The following GRM5 variants were observed in gnomAD, a reference collection of about 807,000 sequenced individuals.
GRM5 encodes metabotropic glutamate receptor 5.
In GRM5, 19 loss-of-function variants were observed where a neutral mutation model predicts 83.1. The ratio of observed to expected loss-of-function variants is 0.23; its 90% CI spans 0.16 to 0.34. GRM5 has a LOEUF of 0.34. GRM5 is among the 10% of genes least tolerant of loss of function. The pLI, the probability that GRM5 is intolerant of heterozygous loss-of-function variation, is 1.00. For synonymous variants in GRM5, 675 were observed against 633.6 expected (o/e 1.07, Z -0.98); for missense variants, 1,160 against 1,588.3 (o/e 0.73, Z 4.58).
chr11:88,552,470 C>G (rs1014498345), intron 8 of GRM5, among the ~76,000 whole-genome samples: 2 of 152,196 alleles, frequency 1.3e-5, no homozygotes, highest in African/African-American at 4.8e-5. Flanking sequence ...ACTGCTTCTG[C>G]AAAAGTTTGT....
At position 88,835,561 on chromosome 11, in the gene GRM5, A is replaced by G. The variant is rs117354703; in HGVS notation, c.911+14345T>C. Among the ~76,000 whole-genome samples the G allele has an allele frequency of 8.6e-3, 1,306 of 151,842 alleles. 28 individuals are homozygous for G. The highest frequency in any genetic ancestry group is 0.072 in the East Asian group (367 of 5,102). On this transcript the variant is annotated intron_variant, in intron 3 of 9. Transcript: ENST00000305447. ...TGTATGCCAAATTACGGAGTGGAAT[A>G]TGATGGCAAAGGGGAGTCAACTAAG...
rs745338331 is a variant in GRM5, at chr11:88,860,475, G to A, written c.662-10320C>T. On this transcript the variant is annotated intron_variant, in intron 2 of 9. Coordinates refer to ENST00000305447, the MANE Select transcript of GRM5 (RefSeq NM_001143831.3). ...TTATTTTGCCTGTTTTAGCTCACTA[G>A]CCACCAATGATCCTTGATTCTAACT... is the stretch of plus-strand genomic sequence containing the variant. 5.2e-4 allele frequency among the ~76,000 whole-genome samples: 79 copies of A among 152,148 alleles called. 2 individuals carry two copies. The highest frequency in any genetic ancestry group is 8.8e-5 in the Non-Finnish European group (6 of 68,016).
intron 3 of GRM5, among the ~76,000 whole-genome samples, chr11:88,818,207 G>C (rs926168147): frequency 6.6e-6 from 1 of 152,094 alleles, no homozygotes; most frequent in African/African-American, 2.4e-5. Flanking sequence ...TTGGAGGACA[G>C]ATGAAATTTT....
intron 3 of GRM5, among the ~76,000 whole-genome samples, chr11:88,843,435 A>C (rs184619654): frequency 6.6e-6 from 1 of 152,132 alleles, no homozygotes; most frequent in Non-Finnish European, 1.5e-5. Context: ...CTACTGTTGT[A>C]ATTGGTTTGG....
intron 1 of GRM5, among the ~76,000 whole-genome samples, chr11:89,054,476 G>A (rs1941829824): frequency 6.6e-6 from 1 of 152,192 alleles, no homozygotes; most frequent in South Asian, 2.1e-4. Flanking sequence ...GAATGAGCAG[G>A]CAGATGTAGG....
intron 2 of GRM5, among the ~76,000 whole-genome samples, chr11:88,972,344 G>A (rs950819674): frequency 5.3e-5 from 8 of 152,088 alleles, no homozygotes; most frequent in African/African-American, 1.2e-4. Flanking sequence ...CTATAAGAGA[G>A]AGCACTCCTG....
chr11:88,996,138 A>G (rs1462949328), intron 2 of GRM5, among the ~76,000 whole-genome samples: 2 of 152,238 alleles, frequency 1.3e-5, no homozygotes, highest in Non-Finnish European at 1.5e-5. Flanking sequence ...TTAGTTTCAC[A>G]GTTCAACTCA....
intron 3 of GRM5, among the ~76,000 whole-genome samples, chr11:88,738,931 C>A (rs563330663): frequency 6.6e-6 from 1 of 152,102 alleles, no homozygotes; most frequent in African/African-American, 2.4e-5. Flanking sequence ...CTTCGCCTAT[C>A]TTTACATGCT....
At chr11:88,794,175 T>C (rs1470752368) in intron 3 of GRM5, among the ~76,000 whole-genome samples, 1 of 152,132 alleles carries the variant, frequency 6.6e-6, no homozygotes, top group African/African-American at 2.4e-5. Flanking sequence ...TCTTAAGCAT[T>C]CCCGTCCCCA....
At position 88,958,300 on chromosome 11, in the gene GRM5, T is replaced by A. The variant is rs520270; in HGVS notation, c.661+88912A>T. 1.2e-3 allele frequency among the ~76,000 whole-genome samples: 173 copies of A among 150,356 alleles called. 1 individual carries two copies. Among genetic ancestry groups the A allele is most frequent in the African/African-American group, 3.8e-3 (157 of 41,286 alleles). Reference sequence around the variant, plus strand: ...TCTTTTTACTGCACATAATATAGTATCCTGTTCACCTCTCAGATAAATAAA... The same window carrying A: ...TCTTTTTACTGCACATAATATAGTAACCTGTTCACCTCTCAGATAAATAAA... On this transcript the variant is annotated intron_variant, in intron 2 of 9. Transcript: ENST00000305447.
chr11:89,012,321 A>G (rs1940723989), intron 2 of GRM5, among the ~76,000 whole-genome samples: 1 of 152,172 alleles, frequency 6.6e-6, no homozygotes, highest in Non-Finnish European at 1.5e-5. Context: ...GGAATTCCTC[A>G]TGCCAATGAA....
chr11:88,863,294 T>C (rs1247419439), intron 2 of GRM5, among the ~76,000 whole-genome samples: 1 of 152,030 alleles, frequency 6.6e-6, no homozygotes, highest in Non-Finnish European at 1.5e-5. Context: ...CATTCTATTA[T>C]AAATATACAA....
intron 2 of GRM5, among the ~76,000 whole-genome samples, chr11:88,962,647 T>TA (rs1173887624): frequency 1.3e-5 from 2 of 152,186 alleles, no homozygotes; most frequent in African/African-American, 4.8e-5. Context: ...ATCTTCTTTG[T>TA]AGCAAACCCT....
chr11:89,049,606 A>G (rs1352991388), intron 1 of GRM5, among the ~76,000 whole-genome samples: 2 of 152,232 alleles, frequency 1.3e-5, no homozygotes, highest in African/African-American at 4.8e-5. Context: ...CATGTTTCTA[A>G]TCACTCCTAC....
chr11:88,882,947 T>C (rs1944984225), intron 2 of GRM5, among the ~76,000 whole-genome samples: 1 of 152,152 alleles, frequency 6.6e-6, no homozygotes, highest in Non-Finnish European at 1.5e-5. Context: ...TCCCTGCCTA[T>C]GCTCTCTCTC....
chr11:88,995,611 C>T (rs916640943), intron 2 of GRM5, among the ~76,000 whole-genome samples: 1 of 148,242 alleles, frequency 6.7e-6, no homozygotes, highest in Non-Finnish European at 1.5e-5. Context: ...AAGTGGTGTG[C>T]ACCAATGTTG....
At chr11:88,792,317 T>C (rs1204321239) in intron 3 of GRM5, among the ~76,000 whole-genome samples, 1 of 152,086 alleles carries the variant, frequency 6.6e-6, no homozygotes, top group African/African-American at 2.4e-5. Flanking sequence ...TATGAGGAAC[T>C]TAGGACATTT....
At chr11:88,910,046 C>T (rs1945470162) in intron 2 of GRM5, among the ~76,000 whole-genome samples, 1 of 152,060 alleles carries the variant, frequency 6.6e-6, no homozygotes, top group Non-Finnish European at 1.5e-5. Context: ...CAGATGGAAA[C>T]TCCATCCCCA....
chr11:88,600,581 TAAC>T (rs1049056110), intron 5 of GRM5, among the ~76,000 whole-genome samples: 14 of 152,130 alleles, frequency 9.2e-5, no homozygotes, highest in African/African-American at 3.1e-4. Flanking sequence ...TATGTTACAA[TAAC>T]AACAACAAAA....
Sources: gnomAD v4.1 joint callset for allele counts (sites outside exome capture counted in the v4.1 genomes callset) on GRCh38, gnomAD v4.1.1 for gene constraint, MANE v1.5 for transcripts, NCBI Gene and HGNC (gene_info 2026-07-23, HGNC 2026-07-21) for gene names.